APLF: variants seen among roughly 807,000 people sequenced by gnomAD.
The protein encoded by APLF is aprataxin and PNKP like factor.
A neutral mutation model predicts 55.6 loss-of-function variants in APLF; 61 were observed. The ratio of observed to expected loss-of-function variants is 1.10; its 90% CI spans 0.89 to 1.36. APLF has a LOEUF of 1.36. Ranked by LOEUF, APLF falls within the 40% of genes most tolerant of loss-of-function variation. The pLI, the probability that APLF is intolerant of heterozygous loss-of-function variation, is 0.00. For missense variants in APLF, 611 were observed against 602.5 expected (o/e 1.01, Z -0.15); for synonymous variants, 207 against 214.8 (o/e 0.96, Z 0.32).
intron 3 of APLF, among the ~76,000 whole-genome samples, chr2:68,507,225 G>C (rs1676895146): frequency 6.6e-6 from 1 of 151,746 alleles, no homozygotes; most frequent in Non-Finnish European, 1.5e-5. Context: ...CATTAAAAAA[G>C]AATAGAAAAA....
intron 3 of APLF, among the ~76,000 whole-genome samples, chr2:68,509,534 G>C (rs958693759): frequency 3.3e-5 from 5 of 152,090 alleles, no homozygotes; most frequent in African/African-American, 1.2e-4. Flanking sequence ...TCTCACACCA[G>C]TTAGAATGGT....
At chr2:68,518,544 ATAT>A (rs1472844395) in intron 5 of APLF, among the ~76,000 whole-genome samples, 1 of 119,172 alleles carries the variant, frequency 8.4e-6, no homozygotes, top group Non-Finnish European at 1.6e-5. Context: ...ATATATAATA[ATAT>A]ATCAATAATG....
intron 9 of APLF, among the ~76,000 whole-genome samples, chr2:68,571,754 T>A (rs953443545): frequency 1.3e-5 from 2 of 152,218 alleles, no homozygotes; most frequent in Non-Finnish European, 2.9e-5. Flanking sequence ...TCTTTTGGCT[T>A]AGGATTGACT....
intron 2 of APLF, among the ~76,000 whole-genome samples, chr2:68,495,555 T>C (rs554019384): frequency 1.3e-5 from 2 of 152,302 alleles, no homozygotes; most frequent in South Asian, 4.1e-4. Context: ...CTGGAGTTGG[T>C]AGATATACTA....
chr2:68,518,035 A>G (rs374518757), intron 5 of APLF, among the ~76,000 whole-genome samples: 1 of 138,368 alleles, frequency 7.2e-6, no homozygotes, highest in Non-Finnish European at 1.5e-5. Flanking sequence ...ATATAATAAT[A>G]TATAACAGTA....
chr2:68,526,019 G>C (rs1158622150), intron 5 of APLF, 42 bp from the exon 6 acceptor site: 1 of 1,530,126 alleles, frequency 6.5e-7, no homozygotes, highest in Non-Finnish European at 8.8e-7. Flanking sequence ...GACATTTGAA[G>C]ATACAGAAGA....
chr2:68,569,815 G>A (rs1263056589), intron 9 of APLF, among the ~76,000 whole-genome samples: 3 of 152,030 alleles, frequency 2.0e-5, no homozygotes, highest in African/African-American at 7.2e-5. Flanking sequence ...ATGGGGATGA[G>A]GTAAATGAAG....
chr2:68,506,244 C>T (rs938882432), intron 3 of APLF, among the ~76,000 whole-genome samples: 1 of 151,250 alleles, frequency 6.6e-6, no homozygotes, highest in Non-Finnish European at 1.5e-5. Context: ...ATGAGTTAAC[C>T]CTAGTTATTA....
intron 2 of APLF, among the ~76,000 whole-genome samples, chr2:68,499,978 A>G (rs1481110260): frequency 6.6e-6 from 1 of 152,254 alleles, no homozygotes; most frequent in Non-Finnish European, 1.5e-5. Context: ...TAAAGTATTT[A>G]CAGTATTCTG....
At position 68,513,221 on chromosome 2, in the gene APLF, T is replaced by C; in HGVS notation, c.483T>C (p.Asn161=). The C allele has an allele frequency of 6.3e-7, 1 of 1,599,658 alleles. No homozygotes were observed. The highest frequency in any genetic ancestry group is 1.8e-5 in the Admixed American group (1 of 56,128). Residue 161 remains asparagine, a synonymous_variant, in exon 4 of 10, where the codon AAT becomes AAC. Coordinates refer to ENST00000303795, the MANE Select transcript of APLF (RefSeq NM_173545.3). The stretch of plus-strand genomic sequence containing the variant: ...CCAAGACCCAGATGACTCCCACAAA[T>C]AGTGTGGTGAGAAATTTGATATCTC... ...EIAKTQMTPT[N]SVSFLGENRD...
intron 8 of APLF, among the ~76,000 whole-genome samples, chr2:68,550,228 T>G (rs561402885): frequency 6.6e-6 from 1 of 152,150 alleles, no homozygotes; most frequent in Non-Finnish European, 1.5e-5. Context: ...GGTGGAATAC[T>G]TAGTCCATTT....
intron 5 of APLF, among the ~76,000 whole-genome samples, chr2:68,518,403 T>C (rs1306226317): frequency 1.0e-5 from 1 of 97,516 alleles, no homozygotes; most frequent in Non-Finnish European, 1.7e-5. Flanking sequence ...TATATAACAA[T>C]ATATTATATA....
At chr2:68,554,561 G>A (rs573136137) in intron 8 of APLF, among the ~76,000 whole-genome samples, 7 of 151,356 alleles carry the variant, frequency 4.6e-5, no homozygotes, top group Non-Finnish European at 7.4e-5. Context: ...TGTTTGTGTC[G>A]TCTATGATTT....
At chr2:68,498,142 A>G (rs1265649908) in intron 2 of APLF, among the ~76,000 whole-genome samples, 2 of 152,210 alleles carry the variant, frequency 1.3e-5, no homozygotes, top group Admixed American at 1.3e-4. Flanking sequence ...AGTGACTTCT[A>G]GTTCATTCAT....
At chr2:68,572,122 A>G (rs562924306) in intron 9 of APLF, among the ~76,000 whole-genome samples, 42 of 152,258 alleles carry the variant, frequency 2.8e-4, no homozygotes, top group Non-Finnish European at 5.0e-4. Context: ...TGGGATTTAC[A>G]TGAAATTCTA....
chr2:68,544,041 G>T (rs538731205), intron 7 of APLF, among the ~76,000 whole-genome samples: 249 of 150,206 alleles, frequency 1.7e-3, no homozygotes, highest in Non-Finnish European at 2.6e-3. Flanking sequence ...GAGTGCAGTG[G>T]CACAATCTTG....
At chr2:68,480,371 C>G (rs1296059751) in intron 1 of APLF, among the ~76,000 whole-genome samples, 1 of 150,582 alleles carries the variant, frequency 6.6e-6, no homozygotes, top group African/African-American at 2.4e-5. Flanking sequence ...GTGGCATGAT[C>G]TCGGCTCACT....
chr2:68,500,165 G>C (rs1676677476), intron 2 of APLF, among the ~76,000 whole-genome samples: 1 of 152,162 alleles, frequency 6.6e-6, no homozygotes, highest in African/African-American at 2.4e-5. Context: ...TGGAGTATAT[G>C]TAGTTTGACA....
At chr2:68,564,529 A>G (rs944694170) in intron 8 of APLF, among the ~76,000 whole-genome samples, 2 of 152,128 alleles carry the variant, frequency 1.3e-5, no homozygotes, top group African/African-American at 4.8e-5. Flanking sequence ...TGAGCTAATA[A>G]TGAAGGGATC....
Sources: gnomAD v4.1 joint callset for allele counts (sites outside exome capture counted in the v4.1 genomes callset) on GRCh38, gnomAD v4.1.1 for gene constraint, MANE v1.5 for transcripts, NCBI Gene and HGNC (gene_info 2026-07-23, HGNC 2026-07-21) for gene names.